Variants in RASA3 observed in about 807,000 individuals in gnomAD.
RASA3 encodes the protein RAS p21 protein activator 3, also known as ras GTPase-activating protein 3.
A neutral mutation model predicts 110.0 loss-of-function variants in RASA3; 73 were observed. That is an observed-to-expected ratio of 0.66 (90% CI 0.55 to 0.81). The LOEUF is 0.81. RASA3 is among the 30% of genes least tolerant of loss of function. RASA3 has a pLI of 0.00. For missense variants in RASA3, 976 were observed against 1,113.2 expected (o/e 0.88, Z 1.75); for synonymous variants, 500 against 451.4 (o/e 1.11, Z -1.37).
At chr13:114,016,402 C>A (rs189230497) in intron 12 of RASA3, 131 bp from the exon 13 acceptor site, 1 of 699,866 alleles carries the variant, frequency 1.4e-6, no homozygotes, top group Non-Finnish European at 2.6e-6. Flanking sequence ...GACAGCTCCC[C>A]GAACCCGGCC....
rs539558519 is a variant in RASA3, at chr13:113,979,787, C to T, written c.2430-365G>A. ...GAGCATGAGCTCCAGGGACACAGAT[C>T]TGTCCCAGTGCTGGGACACTCAGCA... On this transcript the variant is annotated intron_variant, in intron 23 of 23. Coordinates refer to ENST00000334062, the MANE Select transcript of RASA3 (RefSeq NM_007368.4). 5.9e-5 allele frequency among the ~76,000 whole-genome samples: 9 copies of T among 152,254 alleles called. No homozygotes were observed. In the South Asian group the frequency reaches 1.9e-3, roughly 32 times the overall value.
In RASA3 at chr13:114,009,353, C is replaced by T. The variant is rs372761137; in HGVS notation, c.1668+34G>A. ...AGAGAACTCCGTCTCCTGAGCACGG[C>T]ACACGGGCGGTCGGAGGGTGAGTCG... is the stretch of plus-strand genomic sequence containing the variant. On this transcript the variant is annotated intron_variant, in intron 17 of 23. Transcript: ENST00000334062. The T allele has an allele frequency of 7.4e-5, 114 of 1,535,460 alleles. 1 individual carries two copies. The highest frequency in any genetic ancestry group is 9.8e-5 in the Non-Finnish European group (109 of 1,110,040).
Position 113,999,310 on chromosome 13 carries a change from C to G in RASA3, c.1932+275G>C, listed in dbSNP as rs61971827. On this transcript the variant is annotated intron_variant, in intron 20 of 23. Transcript: ENST00000334062. ...GGGCCCCTTGACATTGGGGACCCTG[C>G]GGGGGACGCCACCTGAAGCAGCTCA... is the stretch of plus-strand genomic sequence containing the variant. 5.8e-4 allele frequency among the ~76,000 whole-genome samples: 89 copies of G among 152,302 alleles called. 2 individuals are homozygous for G. Among genetic ancestry groups the G allele is most frequent in the African/African-American group, 2.1e-3 (87 of 41,572 alleles).
chr13:114,090,684 T>C (rs2079879590), intron 1 of RASA3, among the ~76,000 whole-genome samples: 1 of 152,188 alleles, frequency 6.6e-6, no homozygotes, highest in South Asian at 2.1e-4. Context: ...CAAGCACACA[T>C]GCCTGACGGG....
rs1245538014 is a variant in RASA3, at chr13:113,978,024, C to A, written c.*1323G>T. 2 of 152,324 alleles carry A rather than the reference C, an allele frequency of 1.3e-5. No individual in the cohort carries two copies. The highest frequency in any genetic ancestry group is 6.5e-5 in the Admixed American group (1 of 15,300). 9.4% of individuals were successfully genotyped at this position (152,324 alleles called of 1,614,324 possible). A position where few individuals can be genotyped will look rare whatever the true frequency, so the allele number is the denominator to read the frequency against. On this transcript the variant is annotated 3_prime_UTR_variant, in exon 24 of 24. Transcript: ENST00000334062. Reference sequence around the variant, plus strand: ...GAACTACAGTATTTTCAAACAAGAACCGGGAGAAGTCGGTACAAGGATACG... The same window carrying A: ...GAACTACAGTATTTTCAAACAAGAAACGGGAGAAGTCGGTACAAGGATACG...
chr13:114,013,387 C>T (rs9590498), intron 14 of RASA3, 139 bp from the exon 15 acceptor site: 1 of 604,100 alleles, frequency 1.7e-6, no homozygotes, highest in Non-Finnish European at 2.9e-6. Flanking sequence ...CTGTCTCTCT[C>T]CCTCTCTCTG....
chr13:114,116,961 CGT>C (rs1312331546), intron 1 of RASA3, among the ~76,000 whole-genome samples: 2 of 100,012 alleles, frequency 2.0e-5, no homozygotes, highest in African/African-American at 8.2e-5. Flanking sequence ...GAGGGGTGCA[CGT>C]GTGTGAGGGG....
intron 1 of RASA3, among the ~76,000 whole-genome samples, chr13:114,102,200 A>C (rs2080068810): frequency 6.6e-6 from 1 of 152,212 alleles, no homozygotes; most frequent in Non-Finnish European, 1.5e-5. Flanking sequence ...TGTGAAGCAC[A>C]GGATCCACAG....
At position 114,083,543 on chromosome 13, in the gene RASA3, GCGGGGAAA is replaced by G. The variant is rs2079816137; in HGVS notation, c.56-9714_56-9707del. ...TGGAGTATCGACTCCCTTCGTCCTC[GCGGGGAAA>G]TCACGGGGAAGTGGTGAGTCTGGAG... is the stretch of plus-strand genomic sequence containing the variant. On this transcript the variant is annotated intron_variant, in intron 1 of 23. Transcript: ENST00000334062. Among the ~76,000 whole-genome samples, 4 of 140,070 alleles carry G rather than the reference GCGGGGAAA, an allele frequency of 2.9e-5. 1 individual carries two copies. In the South Asian group the frequency reaches 9.1e-4, roughly 32 times the overall value. 91.9% of individuals were successfully genotyped at this position (140,070 alleles called of 152,430 possible).
chr13:114,082,233 G>A (rs867188197), intron 1 of RASA3, among the ~76,000 whole-genome samples: 2 of 152,198 alleles, frequency 1.3e-5, no homozygotes, highest in Non-Finnish European at 2.9e-5. Flanking sequence ...AGACGTCCAC[G>A]TCTGAGACAA....
chr13:113,995,873 G>A (rs1367812159), intron 21 of RASA3, among the ~76,000 whole-genome samples: 1 of 81,826 alleles, frequency 1.2e-5, no homozygotes, highest in African/African-American at 6.3e-5. Context: ...TGATGGGGAG[G>A]CCCGGCTGAT....
chr13:114,130,090 G>A (rs4883652), intron 1 of RASA3, among the ~76,000 whole-genome samples: 120,663 of 152,152 alleles, frequency 0.79, 48,205 homozygotes, highest in Admixed American at 0.87. Context: ...CTGGAGCCCC[G>A]GGGTATCAGG....
intron 2 of RASA3, among the ~76,000 whole-genome samples, chr13:114,072,956 G>A: frequency 7.3e-6 from 1 of 137,816 alleles, no homozygotes; most frequent in Non-Finnish European, 1.5e-5. Flanking sequence ...AAATGGGACG[G>A]TGATATACAC....
At chr13:114,101,176 C>G (rs2080056189) in intron 1 of RASA3, among the ~76,000 whole-genome samples, 1 of 152,164 alleles carries the variant, frequency 6.6e-6, no homozygotes, top group Non-Finnish European at 1.5e-5. Flanking sequence ...CTCTGCACTT[C>G]TGTTACAGAC....
chr13:114,047,668 G>A (rs760136039), intron 3 of RASA3, among the ~76,000 whole-genome samples: 1 of 152,268 alleles, frequency 6.6e-6, no homozygotes, highest in Non-Finnish European at 1.5e-5. Context: ...TGGATGAGGC[G>A]GCTGAGCTGT....
At chr13:114,031,907 C>G (rs560197208) in intron 4 of RASA3, among the ~76,000 whole-genome samples, 1 of 152,128 alleles carries the variant, frequency 6.6e-6, no homozygotes, top group Non-Finnish European at 1.5e-5. Flanking sequence ...CCCTGCAGCA[C>G]GTGGCCTGGT....
chr13:114,105,363 A>C (rs1003726189), intron 1 of RASA3, among the ~76,000 whole-genome samples: 11 of 152,242 alleles, frequency 7.2e-5, no homozygotes, highest in Admixed American at 1.3e-4. Context: ...AGGCAGGTTC[A>C]CAGCAGCAGT....
intron 2 of RASA3, among the ~76,000 whole-genome samples, chr13:114,069,135 G>A (rs1168324396): frequency 1.3e-5 from 2 of 152,116 alleles, no homozygotes; most frequent in African/African-American, 4.8e-5. Flanking sequence ...TGGGAAAGAG[G>A]GAAGAAGAGA....
chr13:114,045,653 C>T (rs546513816), intron 3 of RASA3, among the ~76,000 whole-genome samples: 1 of 152,148 alleles, frequency 6.6e-6, no homozygotes, highest in Non-Finnish European at 1.5e-5. Context: ...ACAGGCAAAG[C>T]TAATAGAACT....
Sources: allele counts gnomAD v4.1 joint callset (sites outside exome capture counted in the v4.1 genomes callset), GRCh38; gene constraint gnomAD v4.1.1; transcripts MANE v1.5; gene names NCBI Gene and HGNC (gene_info 2026-07-23, HGNC 2026-07-21).